Variants in PNPLA8 observed in about 807,000 individuals in gnomAD.
The protein encoded by PNPLA8 is patatin like domain 8, phospholipase A2, also known as calcium-independent phospholipase A2-gamma.
Under a neutral mutation model 76.9 loss-of-function variants are expected in PNPLA8, and 39 were observed. The ratio of observed to expected loss-of-function variants is 0.51; its 90% CI spans 0.39 to 0.66. The LOEUF is 0.66. Ranked by LOEUF, PNPLA8 falls within the 30% of genes least tolerant of loss-of-function variation. The pLI is 0.00. For synonymous variants in PNPLA8, 301 were observed against 307.9 expected (o/e 0.98, Z 0.24); for missense variants, 887 against 918.0 (o/e 0.97, Z 0.44).
intron 10 of PNPLA8, among the ~76,000 whole-genome samples, chr7:108,478,882 C>T (rs925700293): frequency 2.0e-5 from 3 of 152,164 alleles, no homozygotes; most frequent in Non-Finnish European, 4.4e-5. Context: ...TGTTGCTTTT[C>T]CCTTTCTTAA....
chr7:108,491,745 G>T (rs1861183926), intron 7 of PNPLA8, among the ~76,000 whole-genome samples: 1 of 152,250 alleles, frequency 6.6e-6, no homozygotes, highest in Admixed American at 6.5e-5. Context: ...CAGGAAGGTT[G>T]CTGGAGGAAG....
rs558147229 is a variant in PNPLA8, at chr7:108,497,161, T to C, written c.1453+322A>G. Among the ~76,000 whole-genome samples, 60 of 152,342 alleles carry C rather than the reference T, an allele frequency of 3.9e-4. 2 individuals are homozygous for C. The South Asian group carries it at 0.012, about 29-fold the overall frequency. On this transcript the variant is annotated intron_variant, in intron 6 of 10. Coordinates refer to ENST00000257694, the MANE Select transcript of PNPLA8 (RefSeq NM_001256007.3). ...ACTTAGTTTTAGTCACAGAATATGGTATATTTGACAACTCACCAAATCACT... is the reference window on the plus strand; with the variant it reads ...ACTTAGTTTTAGTCACAGAATATGGCATATTTGACAACTCACCAAATCACT...
intron 9 of PNPLA8, among the ~76,000 whole-genome samples, chr7:108,482,299 C>T (rs1178483737): frequency 1.3e-5 from 2 of 152,070 alleles, no homozygotes; most frequent in African/African-American, 4.8e-5. Flanking sequence ...AGTGAAACCT[C>T]ATCTCTACTA....
At position 108,514,550 on chromosome 7, in the gene PNPLA8, C is replaced by T; in HGVS notation, c.942G>A (p.Lys314=). ...CTTCTGACTGACTCTTTGAATCATACTTTAATTTGGGGACAAGTCCACCAA... is the reference window on the plus strand; with the variant it reads ...CTTCTGACTGACTCTTTGAATCATATTTTAATTTGGGGACAAGTCCACCAA... ...GYIGGLVPKL[K]YDSKSQSEEQ... is the part of the protein sequence containing the mutation. Residue 314 remains lysine, a synonymous_variant, in exon 3 of 11, where the codon AAG becomes AAA. Transcript: ENST00000257694. 1.2e-6 allele frequency: 2 copies of T among 1,614,024 alleles called. No homozygotes were observed. The highest frequency in any genetic ancestry group is 1.7e-6 in the Non-Finnish European group (2 of 1,179,908).
intron 1 of PNPLA8, among the ~76,000 whole-genome samples, chr7:108,524,671 T>C (rs1454543180): frequency 6.6e-6 from 1 of 152,022 alleles, no homozygotes; most frequent in Non-Finnish European, 1.5e-5. Context: ...TTAAAAAAAT[T>C]AGCCGGGTGT....
At chr7:108,472,808 T>C (rs185355852) in intron 10 of PNPLA8, 133 bp from the exon 11 acceptor site, 16 of 581,840 alleles carry the variant, frequency 2.7e-5, no homozygotes, top group African/African-American at 2.3e-4. Context: ...AATTTCATTA[T>C]TCAAACTGAC....
At chr7:108,520,183 C>T (rs1271209643) in intron 2 of PNPLA8, among the ~76,000 whole-genome samples, 1 of 152,246 alleles carries the variant, frequency 6.6e-6, no homozygotes, top group African/African-American at 2.4e-5. Context: ...TTCAGCAAAC[C>T]GGCAGAGGTG....
chr7:108,515,976 TA>T (rs1227976075), intron 2 of PNPLA8, among the ~76,000 whole-genome samples: 2 of 152,234 alleles, frequency 1.3e-5, no homozygotes, highest in Non-Finnish European at 2.9e-5. Flanking sequence ...TCTTATACAT[TA>T]TTCATTGCAA....
chr7:108,518,376 A>C (rs1317120446), intron 2 of PNPLA8: 4 of 152,196 alleles, frequency 2.6e-5, no homozygotes, highest in Non-Finnish European at 5.9e-5. Flanking sequence ...GGGACAGAGG[A>C]CAGTATTTTT....
chr7:108,473,790 G>A (rs552474185), intron 10 of PNPLA8, among the ~76,000 whole-genome samples: 11 of 152,160 alleles, frequency 7.2e-5, no homozygotes, highest in Non-Finnish European at 1.0e-4. Flanking sequence ...CCGCAACCTC[G>A]AACTCCTGGG....
chr7:108,502,378 G>A (rs962887064), intron 5 of PNPLA8, 113 bp downstream of exon 5: 8 of 841,934 alleles, frequency 9.5e-6, no homozygotes, highest in Middle Eastern at 3.1e-4. Flanking sequence ...GGGAGGCAGA[G>A]GTTGCAGTGA....
chr7:108,480,145 T>C (rs1194555368), intron 9 of PNPLA8, among the ~76,000 whole-genome samples: 1 of 152,140 alleles, frequency 6.6e-6, no homozygotes, highest in Non-Finnish European at 1.5e-5. Flanking sequence ...GGCAGGAGAA[T>C]CGCTTGAGTC....
At chr7:108,502,329 G>C (rs1233180075) in intron 5 of PNPLA8, among the ~76,000 whole-genome samples, 162 bp downstream of exon 5, 1 of 150,252 alleles carries the variant, frequency 6.7e-6, no homozygotes, top group Non-Finnish European at 1.5e-5. Context: ...TGTAAATCCA[G>C]CTACTTGAGA....
intron 8 of PNPLA8, among the ~76,000 whole-genome samples, chr7:108,490,675 T>C (rs1355691713): frequency 6.6e-6 from 1 of 151,922 alleles, no homozygotes; most frequent in Non-Finnish European, 1.5e-5. Flanking sequence ...TCCCAGCTAC[T>C]TGGGAGGCTG....
At chr7:108,492,732 G>GGGCGAAAAAATGCTAC (rs1237750288) in intron 7 of PNPLA8, among the ~76,000 whole-genome samples, 2 of 152,100 alleles carry the variant, frequency 1.3e-5, no homozygotes, top group East Asian at 3.8e-4. Context: ...AATAAACAAT[G>GGGCGAAAAAATGCTAC]GGCGAAAAAA....
Position 108,514,341 on chromosome 7 carries a change from A to G in PNPLA8, c.1057-48T>C, listed in dbSNP as rs1863142792. The G allele has an allele frequency of 9.7e-6, 15 of 1,549,570 alleles. No individual in the cohort carries two copies. The East Asian group carries it at 3.1e-4, about 32-fold the overall frequency. On this transcript the variant is annotated intron_variant, in intron 3 of 10. Transcript: ENST00000257694. ...TATGATTAGAATACAAAACTGCTCTAAAGAACAATGAAAGTTTCTTAGTTC... is the reference window on the plus strand; with the variant it reads ...TATGATTAGAATACAAAACTGCTCTGAAGAACAATGAAAGTTTCTTAGTTC...
intron 6 of PNPLA8, 41 bp from the exon 7 acceptor site, chr7:108,496,796 T>C (rs777566130): frequency 7.6e-6 from 11 of 1,439,290 alleles, no homozygotes; most frequent in South Asian, 1.2e-5. Flanking sequence ...TGTTAAGTTA[T>C]AGCCCTTATG....
At position 108,515,332 on chromosome 7, in the gene PNPLA8, T is replaced by C. The variant is rs1202261930; in HGVS notation, c.160A>G (p.Ile54Val). 3 of 1,613,562 alleles carry C rather than the reference T, an allele frequency of 1.9e-6. No individual in the cohort carries two copies. The highest frequency in any genetic ancestry group is 2.7e-5 in the African/African-American group (2 of 74,916). Residue 54 changes from isoleucine to valine, a missense_variant, in exon 3 of 11, where the codon ATA becomes GTA. By Grantham distance (29) the Ile-to-Val change is conservative. Transcript: ENST00000257694. ...CTTTTGGTCCATTTACATCTTATTA[T>C]GTTTGTATGAAAACCTCTTTGTAGA... The part of the protein sequence containing the change: ...ISLQRGFHTN[I>V]IRCKWTKSEA...
At chr7:108,521,141 AG>A (rs1470462096) in intron 2 of PNPLA8, among the ~76,000 whole-genome samples, 1 of 152,152 alleles carries the variant, frequency 6.6e-6, no homozygotes, top group Non-Finnish European at 1.5e-5. Flanking sequence ...AAATATAGCC[AG>A]AAAAAAAAAT....
Sources: allele counts gnomAD v4.1 joint callset (sites outside exome capture counted in the v4.1 genomes callset), GRCh38; gene constraint gnomAD v4.1.1; transcripts MANE v1.5; gene names NCBI Gene and HGNC (gene_info 2026-07-23, HGNC 2026-07-21).